CMKLR2: variants seen among roughly 807,000 people sequenced by gnomAD.
CMKLR2 encodes chemerin-like receptor 2.
Under a neutral mutation model 23.0 loss-of-function variants are expected in CMKLR2, and 18 were observed. That is an observed-to-expected ratio of 0.78 (90% confidence interval 0.54 to 1.16). CMKLR2 has a LOEUF of 1.16. CMKLR2 is among the 50% of genes most tolerant of loss of function. The pLI, the probability that CMKLR2 is intolerant of heterozygous loss-of-function variation, is 0.00. For missense variants in CMKLR2, 401 were observed against 412.7 expected, an observed-to-expected ratio of 0.97 and a Z score of 0.25; for synonymous variants, 158 against 158.9, an observed-to-expected ratio of 0.99 and a Z score of 0.05.
In CMKLR2 at chr2:206,197,183, C is replaced by T. The variant is rs144854677; in HGVS notation, c.-29+16124G>A. ...TCGGCCTCCCAAAGTGCTGGGATTA[C>T]AGGCGTGAGCCACTGCGCCCGGCCC... On this transcript the variant is annotated intron_variant, in intron 1 of 1. Transcript: ENST00000621141. Among the ~76,000 whole-genome samples, 196 of 152,312 alleles carry T rather than the reference C, an allele frequency of 1.3e-3. 6 individuals are homozygous for T. In the East Asian group the frequency reaches 0.035, roughly 27 times the overall value.
chr2:206,177,925 T>C (rs1434188206), intron 1 of CMKLR2, among the ~76,000 whole-genome samples: 2 of 152,280 alleles, frequency 1.3e-5, no homozygotes, highest in East Asian at 3.9e-4. Flanking sequence ...TATGCATTAT[T>C]ATTTTATGGC....
At chr2:206,181,690 C>T (rs539639257) in intron 1 of CMKLR2, among the ~76,000 whole-genome samples, 15 of 152,140 alleles carry the variant, frequency 9.9e-5, no homozygotes, top group African/African-American at 3.1e-4. Context: ...CAGTGGCTCA[C>T]GCCTATAATC....
At chr2:206,202,792 C>G (rs150985165) in intron 1 of CMKLR2, among the ~76,000 whole-genome samples, 1 of 152,050 alleles carries the variant, frequency 6.6e-6, no homozygotes, top group Non-Finnish European at 1.5e-5. Flanking sequence ...CTCTGCTCCT[C>G]TCAGTGTCTC....
Position 206,210,995 on chromosome 2 carries a change from C to T in CMKLR2, c.-29+2312G>A, listed in dbSNP as rs78197917. On this transcript the variant is annotated intron_variant, in intron 1 of 1. Transcript: ENST00000621141. Reference sequence around the variant, plus strand: ...TTCAACTTTGTATTTTATTATTTTTCATGCCTAGGGACAATTTGGTCCTAA... The same window carrying T: ...TTCAACTTTGTATTTTATTATTTTTTATGCCTAGGGACAATTTGGTCCTAA... Among the ~76,000 whole-genome samples, 1,025 of 152,182 alleles carry T rather than the reference C, an allele frequency of 6.7e-3. 31 individuals are homozygous for T. Among genetic ancestry groups the T allele is most frequent in the East Asian group, 0.049 (251 of 5,170 alleles).
Position 206,184,300 on chromosome 2 carries a change from C to CTT in CMKLR2, c.-28-7027_-28-7026dup, listed in dbSNP as rs752263495. 5.7e-4 allele frequency among the ~76,000 whole-genome samples: 81 copies of CTT among 142,478 alleles called. 2 individuals carry two copies. The highest frequency in any genetic ancestry group is 3.4e-4 in the Non-Finnish European group (22 of 65,240). 93.5% of individuals were successfully genotyped at this position (142,478 alleles called of 152,430 possible). A position where few individuals can be genotyped will look rare whatever the true frequency, so the allele number is the denominator to read the frequency against. On this transcript the variant is annotated intron_variant, in intron 1 of 1. Transcript: ENST00000621141. ...AAAAACCCCATTTCTCTCTCTCTCTCTTTTTTTTTTTTTTAAGACAGGTTT... is the reference window on the plus strand; with the variant it reads ...AAAAACCCCATTTCTCTCTCTCTCTCTTTTTTTTTTTTTTTTAAGACAGGTTT...
intron 1 of CMKLR2, among the ~76,000 whole-genome samples, chr2:206,191,837 A>ATTTT (rs774926244): frequency 1.7e-5 from 2 of 119,246 alleles, no homozygotes; most frequent in African/African-American, 3.2e-5. Flanking sequence ...TGCCCAACTA[A>ATTTT]TTTTTTTTTT....
intron 1 of CMKLR2, among the ~76,000 whole-genome samples, chr2:206,206,685 G>T (rs1297493288): frequency 6.6e-6 from 1 of 152,084 alleles, no homozygotes; most frequent in Non-Finnish European, 1.5e-5. Flanking sequence ...CCAACCTGTG[G>T]TTTTGCTTAC....
In CMKLR2 at chr2:206,194,140, G is replaced by A. The variant is rs143001248; in HGVS notation, c.-28-16865C>T. Among the ~76,000 whole-genome samples the A allele has an allele frequency of 8.1e-4, 124 of 152,228 alleles. 1 individual carries two copies. The highest frequency in any genetic ancestry group is 2.7e-3 in the African/African-American group (112 of 41,540). On this transcript the variant is annotated intron_variant, in intron 1 of 1. Transcript: ENST00000621141. The stretch of plus-strand genomic sequence containing the variant: ...CACAAAACAATACTGTTCATTATCC[G>A]GAGAGGTAATACATGAACTCAATGA...
intron 1 of CMKLR2, among the ~76,000 whole-genome samples, chr2:206,209,734 C>T (rs1297888307): frequency 1.4e-5 from 2 of 147,506 alleles, no homozygotes; most frequent in Admixed American, 6.7e-5. Flanking sequence ...CTGCAAGCTC[C>T]GCCTCCCGGG....
At chr2:206,188,130 T>C (rs1688640145) in intron 1 of CMKLR2, among the ~76,000 whole-genome samples, 1 of 152,142 alleles carries the variant, frequency 6.6e-6, no homozygotes, top group Non-Finnish European at 1.5e-5. Flanking sequence ...GACAAGGTTT[T>C]GCCACGTTGG....
chr2:206,203,161 C>CAAAAA (rs35488030), intron 1 of CMKLR2, among the ~76,000 whole-genome samples: 2,064 of 118,926 alleles, frequency 0.017, 76 homozygotes, highest in African/African-American at 0.061. Flanking sequence ...TCTAAAACTA[C>CAAAAA]AAAAAAAAAA....
At chr2:206,184,171 C>A (rs1313080844) in intron 1 of CMKLR2, among the ~76,000 whole-genome samples, 1 of 152,148 alleles carries the variant, frequency 6.6e-6, no homozygotes, top group African/African-American at 2.4e-5. Context: ...ATAGCATTCT[C>A]CCTGTGTGAC....
At chr2:206,199,205 T>C (rs1443294890) in intron 1 of CMKLR2, among the ~76,000 whole-genome samples, 1 of 152,208 alleles carries the variant, frequency 6.6e-6, no homozygotes, top group Admixed American at 6.5e-5. Context: ...GAGACCAGCC[T>C]GGCCAACATG....
At chr2:206,189,196 A>G (rs1688673862) in intron 1 of CMKLR2, among the ~76,000 whole-genome samples, 1 of 152,216 alleles carries the variant, frequency 6.6e-6, no homozygotes, top group South Asian at 2.1e-4. Context: ...AGGACTTGAT[A>G]TTGTGAACTC....
intron 1 of CMKLR2, among the ~76,000 whole-genome samples, chr2:206,183,213 C>A (rs1287157652): frequency 6.6e-6 from 1 of 152,118 alleles, no homozygotes; most frequent in Admixed American, 6.6e-5. Flanking sequence ...CCATATGGCC[C>A]ATGGGGTGGT....
At chr2:206,199,165 G>T (rs1689011467) in intron 1 of CMKLR2, among the ~76,000 whole-genome samples, 1 of 152,212 alleles carries the variant, frequency 6.6e-6, no homozygotes, top group Non-Finnish European at 1.5e-5. Context: ...GGGAGGCCCA[G>T]GTGGGCAGAT....
In CMKLR2 at chr2:206,176,819, G is replaced by A. The variant is rs1198129834; in HGVS notation, c.429C>T (p.Val143=). The A allele has an allele frequency of 1.2e-6, 2 of 1,614,178 alleles. No individual in the cohort carries two copies. Among genetic ancestry groups the A allele is most frequent in the Non-Finnish European group, 1.7e-6 (2 of 1,180,032 alleles). Residue 143 remains valine, a synonymous_variant, in exon 2 of 2, where the codon GTC becomes GTT. Coordinates refer to ENST00000621141, the MANE Select transcript of CMKLR2 (RefSeq NM_001389445.1). ...LDHYIHLIHP[V]LSHRHRTLKN... The stretch of plus-strand genomic sequence containing the variant: ...TGAGGGTTCGATGCCGATGAGATAA[G>A]ACAGGATGGATCAAGTGGATATAGT...
intron 1 of CMKLR2, among the ~76,000 whole-genome samples, chr2:206,187,856 G>T (rs1043123369): frequency 6.6e-6 from 1 of 152,076 alleles, no homozygotes; most frequent in Non-Finnish European, 1.5e-5. Flanking sequence ...GCTGTGGTGG[G>T]CAGTAACCAA....
rs1688980768 is a variant in CMKLR2 at position 206,198,228 on chromosome 2, CTGACCTGCCGTAACACT to C, written c.-29+15062_-29+15078del. ...TTGCCTCAATTGCCTTATCCTAGTTCTGACCTGCCGTAACACTTGATCCTGTTTAAGTCCGTGGATAT... is the reference window on the plus strand; with the variant it reads ...TTGCCTCAATTGCCTTATCCTAGTTCTGATCCTGTTTAAGTCCGTGGATAT... On this transcript the variant is annotated intron_variant, in intron 1 of 1. Transcript: ENST00000621141. Among the ~76,000 whole-genome samples, 7 of 152,300 alleles carry C rather than the reference CTGACCTGCCGTAACACT, an allele frequency of 4.6e-5. No individual in the cohort carries two copies. The South Asian group carries it at 1.4e-3, about 32-fold the overall frequency.
Sources: gnomAD v4.1 joint callset for allele counts (sites outside exome capture counted in the v4.1 genomes callset) on GRCh38, gnomAD v4.1.1 for gene constraint, MANE v1.5 for transcripts, NCBI Gene and HGNC (gene_info 2026-07-23, HGNC 2026-07-21) for gene names.